The following SNRNP27 variants were observed in gnomAD, a reference collection of about 807,000 sequenced individuals.
The protein encoded by SNRNP27 is U4/U6.U5 small nuclear ribonucleoprotein 27 kDa protein.
Under a neutral mutation model 25.1 loss-of-function variants are expected in SNRNP27, and 22 were observed. That is an observed-to-expected ratio of 0.88 (90% CI 0.63 to 1.25). SNRNP27 has a LOEUF of 1.25. SNRNP27 is among the 50% of genes most tolerant of loss of function. The pLI is 0.00. For synonymous variants in SNRNP27, 66 were observed against 64.9 expected, an observed-to-expected ratio of 1.02 and a Z score of -0.08; for missense variants, 150 against 202.3, an observed-to-expected ratio of 0.74 and a Z score of 1.57.
chr2:69,903,062 C>T lies in SNRNP27; in HGVS notation c.349-119C>T, dbSNP rs1676737205. 5 of 785,606 alleles carry T rather than the reference C, an allele frequency of 6.4e-6. No homozygotes were observed. In the South Asian group the frequency reaches 7.4e-5, roughly 12 times the overall value. 48.7% of individuals were successfully genotyped at this position (785,606 alleles called of 1,614,324 possible). ...GGCTCAAGCAATCCTCCCACCTTAGCCTTCCGCCAAGTAGCTGGGAGTACA... is the reference window on the plus strand; with the variant it reads ...GGCTCAAGCAATCCTCCCACCTTAGTCTTCCGCCAAGTAGCTGGGAGTACA... On this transcript the variant is annotated intron_variant, in intron 4 of 5. Transcript: ENST00000244227.
intron 3 of SNRNP27, among the ~76,000 whole-genome samples, chr2:69,896,953 C>T (rs758636985): frequency 2.0e-5 from 3 of 152,098 alleles, no homozygotes; most frequent in Admixed American, 6.5e-5. Flanking sequence ...GGATTATAGA[C>T]GTGAACCACC....
At chr2:69,895,893 A>G (rs1676591333) in intron 2 of SNRNP27, among the ~76,000 whole-genome samples, 1 of 151,944 alleles carries the variant, frequency 6.6e-6, no homozygotes, top group Non-Finnish European at 1.5e-5. Context: ...TTTGGTGATA[A>G]TGATTTATTC....
rs1474348528 is a variant in SNRNP27, at chr2:69,904,654, AGT to A, written c.*347_*348del. 2 of 419,102 alleles carry A rather than the reference AGT, an allele frequency of 4.8e-6. No homozygotes were observed. Among genetic ancestry groups the A allele is most frequent in the Admixed American group, 4.3e-5 (1 of 23,284 alleles). The allele number at this position is 419,102 out of a possible 1,614,324, so 26.0% of individuals were successfully genotyped here. A position where few individuals can be genotyped will look rare whatever the true frequency, so the allele number is the denominator to read the frequency against. On this transcript the variant is annotated 3_prime_UTR_variant, in exon 6 of 6. Coordinates refer to ENST00000244227, the MANE Select transcript of SNRNP27 (RefSeq NM_006857.3). Reference sequence around the variant, plus strand: ...TGGAAGTAAGTTTATCCAATAAAGCAGTATTTCTACCCTTTTAGATTTGATAA... The same window carrying A: ...TGGAAGTAAGTTTATCCAATAAAGCAATTTCTACCCTTTTAGATTTGATAA...
chr2:69,895,373 G>A (rs1676582903), intron 2 of SNRNP27, among the ~76,000 whole-genome samples, 159 bp downstream of exon 2: 1 of 152,176 alleles, frequency 6.6e-6, no homozygotes, highest in Non-Finnish European at 1.5e-5. Context: ...CATTCACCTT[G>A]GTTAAATGGT....
At chr2:69,899,878 C>T (rs1229291034) in intron 4 of SNRNP27, among the ~76,000 whole-genome samples, 7 of 152,150 alleles carry the variant, frequency 4.6e-5, no homozygotes, top group East Asian at 1.9e-4. Flanking sequence ...AGGCACATGC[C>T]GCCACGCCAG....
chr2:69,896,665 AGTTTTTTTTG>A, intron 3 of SNRNP27, 117 bp downstream of exon 3: 1 of 1,011,354 alleles, frequency 9.9e-7, no homozygotes, highest in Non-Finnish European at 1.4e-6. Context: ...TATGGTTTTG[AGTTTTTTTTG>A]GTTTTTTTTT....
chr2:69,896,645 A>G (rs1676606854), intron 3 of SNRNP27, 97 bp downstream of exon 3: 8 of 1,148,102 alleles, frequency 7.0e-6, no homozygotes, highest in Non-Finnish European at 9.5e-6. Context: ...CTTTTATAGT[A>G]TTCATTGCAT....
At chr2:69,902,418 G>A (rs751030350) in intron 4 of SNRNP27, among the ~76,000 whole-genome samples, 37 of 147,542 alleles carry the variant, frequency 2.5e-4, no homozygotes, top group Non-Finnish European at 4.6e-4. Flanking sequence ...CTGCTTCTGC[G>A]TCTGCTTCTT....
chr2:69,899,047 C>T (rs1676648913), intron 4 of SNRNP27, among the ~76,000 whole-genome samples: 1 of 152,080 alleles, frequency 6.6e-6, no homozygotes, highest in African/African-American at 2.4e-5. Flanking sequence ...TTTCCTGTTG[C>T]TGGATGTTAG....
chr2:69,904,715 T>G lies in SNRNP27; in HGVS notation c.*407T>G. The G allele has an allele frequency of 4.4e-6, 1 of 227,454 alleles. No homozygotes were observed. The highest frequency in any genetic ancestry group is 9.2e-5 in the East Asian group (1 of 10,838). The allele number at this position is 227,454 out of a possible 1,614,324, so 14.1% of individuals were successfully genotyped here. ...ATTACTAAAGAATCTCCCCAGACATTTTCTTTTTTTTTTCACACATAGATT... is the reference window on the plus strand; with the variant it reads ...ATTACTAAAGAATCTCCCCAGACATGTTCTTTTTTTTTTCACACATAGATT... On this transcript the variant is annotated 3_prime_UTR_variant, in exon 6 of 6. Transcript: ENST00000244227.
rs1445358364 is a variant in SNRNP27 at position 69,903,260 on chromosome 2, CATT to C, written c.413+21_413+23del. 5.7e-6 allele frequency: 9 copies of C among 1,579,902 alleles called. No homozygotes were observed. The stretch of plus-strand genomic sequence containing the variant: ...AGGAAGTACAGGTATGCATAGCCCC[CATT>C]ATTATGTTTGAACTAATAAATCAGT... On this transcript the variant is annotated intron_variant, in intron 5 of 5. Transcript: ENST00000244227.
rs1676621142 is a variant in SNRNP27 at position 69,897,303 on chromosome 2, T to A, written c.269-74T>A. On this transcript the variant is annotated intron_variant, in intron 3 of 5. Coordinates refer to ENST00000244227, the MANE Select transcript of SNRNP27 (RefSeq NM_006857.3). ...TAGTGAGGTGGAATGACTATTAATCTGTTACCACCTCTCTTTTTATTTATG... is the reference window on the plus strand; with the variant it reads ...TAGTGAGGTGGAATGACTATTAATCAGTTACCACCTCTCTTTTTATTTATG... 3.0e-6 allele frequency: 3 copies of A among 1,004,906 alleles called. No individual in the cohort carries two copies. The South Asian group carries it at 4.1e-5, about 14-fold the overall frequency. 62.2% of individuals were successfully genotyped at this position (1,004,906 alleles called of 1,614,324 possible). A position where few individuals can be genotyped will look rare whatever the true frequency, so the allele number is the denominator to read the frequency against.
In SNRNP27 at chr2:69,904,718, C is replaced by CT. The variant is rs959186610; in HGVS notation, c.*420dup. On this transcript the variant is annotated 3_prime_UTR_variant, in exon 6 of 6. Coordinates refer to ENST00000244227, the MANE Select transcript of SNRNP27 (RefSeq NM_006857.3). ...ACTAAAGAATCTCCCCAGACATTTT[C>CT]TTTTTTTTTTCACACATAGATTTAA... is the stretch of plus-strand genomic sequence containing the variant. 1,137 of 199,542 alleles carry CT rather than the reference C, an allele frequency of 5.7e-3. No individual in the cohort carries two copies. The highest frequency in any genetic ancestry group is 8.0e-3 in the East Asian group (72 of 8,964). The allele number at this position is 199,542 out of a possible 1,614,324, so 12.4% of individuals were successfully genotyped here.
At chr2:69,903,487 C>A in intron 5 of SNRNP27, 1 of 416,860 alleles carries the variant, frequency 2.4e-6, no homozygotes, top group South Asian at 3.6e-5. Flanking sequence ...ATAGTAATTT[C>A]CTCAGAAAAG....
chr2:69,896,375 G>T, intron 2 of SNRNP27, 61 bp from the exon 3 acceptor site: 4 of 1,488,314 alleles, frequency 2.7e-6, no homozygotes, highest in Non-Finnish European at 1.9e-6. Context: ...GTATATCTGT[G>T]CTGATTGATA....
intron 2 of SNRNP27, 76 bp from the exon 3 acceptor site, chr2:69,896,360 C>T: frequency 1.5e-6 from 2 of 1,347,272 alleles, no homozygotes; most frequent in Non-Finnish European, 2.1e-6. Context: ...TGGAGCTCAC[C>T]TCATGTATAT....
rs548624717 is a variant in SNRNP27, at chr2:69,897,311, C to T, written c.269-66C>T. ...TGGAATGACTATTAATCTGTTACCA[C>T]CTCTCTTTTTATTTATGTATATATT... On this transcript the variant is annotated intron_variant, in intron 3 of 5. Transcript: ENST00000244227. The T allele has an allele frequency of 1.1e-4, 118 of 1,097,268 alleles. 1 individual carries two copies. The East Asian group carries it at 2.8e-3, about 26-fold the overall frequency. The allele number at this position is 1,097,268 out of a possible 1,614,324, so 68.0% of individuals were successfully genotyped here. A position where few individuals can be genotyped will look rare whatever the true frequency, so the allele number is the denominator to read the frequency against.
intron 2 of SNRNP27, 87 bp from the exon 3 acceptor site, chr2:69,896,349 G>A: frequency 8.0e-7 from 1 of 1,243,388 alleles, no homozygotes; most frequent in East Asian, 2.3e-5. Flanking sequence ...TCGTGGTTCT[G>A]TGGAGCTCAC....
chr2:69,904,573 T>A lies in SNRNP27; in HGVS notation c.*265T>A. Reference sequence around the variant, plus strand: ...TTTGTCCTTATTCCTGTGGAAGCAGTATATGTTTTCTTCCTGAATGCTCAT... The same window carrying A: ...TTTGTCCTTATTCCTGTGGAAGCAGAATATGTTTTCTTCCTGAATGCTCAT... On this transcript the variant is annotated 3_prime_UTR_variant, in exon 6 of 6. Coordinates refer to ENST00000244227, the MANE Select transcript of SNRNP27 (RefSeq NM_006857.3). The A allele has an allele frequency of 1.8e-6, 1 of 564,800 alleles. No individual in the cohort carries two copies. The highest frequency in any genetic ancestry group is 1.9e-5 in the African/African-American group (1 of 51,560). 35.0% of individuals were successfully genotyped at this position (564,800 alleles called of 1,614,324 possible).
Sources: gnomAD v4.1 joint callset for allele counts (sites outside exome capture counted in the v4.1 genomes callset) on GRCh38, gnomAD v4.1.1 for gene constraint, MANE v1.5 for transcripts, NCBI Gene and HGNC (gene_info 2026-07-23, HGNC 2026-07-21) for gene names.